Variants in ELMO1 observed in about 807,000 individuals in gnomAD.
ELMO1 encodes engulfment and cell motility protein 1.
In ELMO1, 26 loss-of-function variants were observed where a neutral mutation model predicts 98.9. The observed-to-expected ratio is 0.26, with a 90% confidence interval of 0.19 to 0.36. ELMO1 has a LOEUF of 0.36. ELMO1 is among the 10% of genes least tolerant of loss of function. ELMO1 has a pLI of 1.00. For missense variants in ELMO1, 627 were observed against 935.2 expected (o/e 0.67, Z 4.30); for synonymous variants, 346 against 346.0 (o/e 1.00, Z 0.00).
intron 2 of ELMO1, among the ~76,000 whole-genome samples, chr7:37,317,735 A>G (rs1473407697): frequency 1.3e-5 from 2 of 152,138 alleles, no homozygotes; most frequent in East Asian, 3.8e-4. Context: ...AAAAAAAAAT[A>G]AAGAATGATA....
chr7:36,999,287 T>C (rs1002044792), intron 16 of ELMO1, among the ~76,000 whole-genome samples: 3 of 152,204 alleles, frequency 2.0e-5, no homozygotes, highest in African/African-American at 7.2e-5. Context: ...TGCTTTTCAT[T>C]GATTAAGATG....
chr7:37,290,233 G>A (rs980273566), intron 4 of ELMO1, among the ~76,000 whole-genome samples: 1 of 152,016 alleles, frequency 6.6e-6, no homozygotes, highest in African/African-American at 2.4e-5. Flanking sequence ...TGAGATTTTA[G>A]TTTTTTAGTA....
intron 14 of ELMO1, among the ~76,000 whole-genome samples, chr7:37,101,752 G>C (rs546415976): frequency 6.6e-6 from 1 of 152,048 alleles, no homozygotes; most frequent in South Asian, 2.1e-4. Context: ...TCTCTTAAGG[G>C]GGATAAAGGG....
Position 36,899,684 on chromosome 7 carries a change from C to CTT in ELMO1, c.1438-4669_1438-4668dup, listed in dbSNP as rs10522661. On this transcript the variant is annotated intron_variant, in intron 16 of 21. Coordinates refer to ENST00000310758, the MANE Select transcript of ELMO1 (RefSeq NM_014800.11). ...ACTCATTTTTACTATCTTTACTCAT[C>CTT]TTTTTTTTTTTTTTTTACCACTCCT... Among the ~76,000 whole-genome samples the CTT allele has an allele frequency of 1.6e-3, 99 of 63,680 alleles. 11 individuals carry two copies. The South Asian group carries it at 0.02, about 13-fold the overall frequency. 41.8% of individuals were successfully genotyped at this position (63,680 alleles called of 152,430 possible).
chr7:37,328,896 G>A (rs1367489301), intron 2 of ELMO1, among the ~76,000 whole-genome samples: 1 of 152,118 alleles, frequency 6.6e-6, no homozygotes, highest in Non-Finnish European at 1.5e-5. Context: ...CTCTTTCCCA[G>A]TTTTCAACTT....
At chr7:37,255,896 G>A (rs2717964) in intron 6 of ELMO1, among the ~76,000 whole-genome samples, 47,961 of 151,958 alleles carry the variant, frequency 0.32, 7,689 homozygotes, top group Middle Eastern at 0.43. Context: ...ACCAGAAGCC[G>A]TGGGGGGTAT....
intron 17 of ELMO1, among the ~76,000 whole-genome samples, chr7:36,888,712 CT>C (rs1490372826): frequency 6.6e-6 from 1 of 152,206 alleles, no homozygotes; most frequent in Non-Finnish European, 1.5e-5. Flanking sequence ...ACATTCTCTC[CT>C]TTCCTCAAGC....
chr7:37,124,877 T>C (rs556916388), intron 14 of ELMO1, among the ~76,000 whole-genome samples: 1 of 152,324 alleles, frequency 6.6e-6, no homozygotes, highest in Non-Finnish European at 1.5e-5. Flanking sequence ...ACTACCTGAC[T>C]TCAAACTATA....
intron 19 of ELMO1, among the ~76,000 whole-genome samples, chr7:36,877,543 G>A (rs551965214): frequency 6.6e-6 from 1 of 152,310 alleles, no homozygotes; most frequent in South Asian, 2.1e-4. Flanking sequence ...AAGTGTCTTT[G>A]AGGTAAACTA....
At chr7:37,434,709 G>T (rs185485940) in intron 1 of ELMO1, among the ~76,000 whole-genome samples, 2 of 152,200 alleles carry the variant, frequency 1.3e-5, no homozygotes, top group Admixed American at 6.5e-5. Flanking sequence ...TCTAATCCAC[G>T]CTGGAGTGCT....
At chr7:37,069,334 G>T (rs957303868) in intron 15 of ELMO1, among the ~76,000 whole-genome samples, 8 of 152,142 alleles carry the variant, frequency 5.3e-5, no homozygotes, top group African/African-American at 1.9e-4. Context: ...AGAAGGAAAA[G>T]AATATGTTTC....
At chr7:37,281,648 A>AT (rs1340976720) in intron 4 of ELMO1, among the ~76,000 whole-genome samples, 4 of 152,198 alleles carry the variant, frequency 2.6e-5, no homozygotes, top group Non-Finnish European at 5.9e-5. Flanking sequence ...GGTTTGCTGC[A>AT]TTTTTACTAT....
At chr7:37,356,917 C>T (rs184566061) in intron 1 of ELMO1, among the ~76,000 whole-genome samples, 36 of 152,248 alleles carry the variant, frequency 2.4e-4, no homozygotes, top group Admixed American at 1.4e-3. Flanking sequence ...CAAAGTAAAC[C>T]ATGAAACCTA....
chr7:37,222,521 G>C, intron 10 of ELMO1, 94 bp downstream of exon 10: 1 of 1,211,012 alleles, frequency 8.3e-7, no homozygotes, highest in Non-Finnish European at 1.2e-6. Flanking sequence ...TAGCAGAGAG[G>C]CCCAATGAGT....
intron 16 of ELMO1, chr7:36,919,233 A>G: frequency 2.9e-6 from 1 of 341,022 alleles, no homozygotes; most frequent in Non-Finnish European, 6.4e-6. Context: ...GTTATCCAGC[A>G]TTTGGTTAAT....
At chr7:37,330,478 T>A (rs1204642727) in intron 2 of ELMO1, among the ~76,000 whole-genome samples, 1 of 152,198 alleles carries the variant, frequency 6.6e-6, no homozygotes, top group Non-Finnish European at 1.5e-5. Context: ...TATACAGTAG[T>A]CCCTCCTTTA....
chr7:37,089,797 A>G (rs1396862849), intron 15 of ELMO1, among the ~76,000 whole-genome samples: 2 of 152,164 alleles, frequency 1.3e-5, no homozygotes, highest in African/African-American at 4.8e-5. Context: ...GTTTCAAGTA[A>G]TTATTTATCC....
intron 1 of ELMO1, among the ~76,000 whole-genome samples, chr7:37,381,695 A>G (rs1160682468): frequency 1.3e-5 from 2 of 152,236 alleles, no homozygotes; most frequent in African/African-American, 2.4e-5. Context: ...TCTCTAGAAC[A>G]TGAGAAATCC....
intron 18 of ELMO1, among the ~76,000 whole-genome samples, chr7:36,886,511 A>G (rs898438899): frequency 2.0e-5 from 3 of 152,198 alleles, no homozygotes; most frequent in Non-Finnish European, 4.4e-5. Context: ...AGGTTTCAAA[A>G]TATCTGCCAA....
Sources: allele counts gnomAD v4.1 joint callset (sites outside exome capture counted in the v4.1 genomes callset), GRCh38; gene constraint gnomAD v4.1.1; transcripts MANE v1.5; gene names NCBI Gene and HGNC (gene_info 2026-07-23, HGNC 2026-07-21).